Variants in PHF6 observed in about 807,000 individuals in gnomAD.
PHF6 encodes PHD-like zinc finger protein.
Under a neutral mutation model 34.0 loss-of-function variants are expected in PHF6, and 7 were observed. The ratio of observed to expected loss-of-function variants is 0.21; its 90% CI spans 0.12 to 0.39. PHF6 has a LOEUF of 0.39. PHF6 is among the 10% of genes least tolerant of loss of function. The pLI is 1.00. For missense variants in PHF6, 128 were observed against 262.8 expected, an observed-to-expected ratio of 0.49 and a Z score of 3.55; for synonymous variants, 89 against 88.4, an observed-to-expected ratio of 1.01 and a Z score of -0.04.
intron 3 of PHF6, among the ~76,000 whole-genome samples, chrX:134,388,694 C>T (rs6529626): frequency 0.32 from 35,574 of 110,668 alleles, 4,549 homozygotes; most frequent in East Asian, 0.65. Context: ...AGAGCCTTGT[C>T]GTAGAAGTTG....
chrX:134,400,383 C>G (rs1253309195), intron 5 of PHF6, among the ~76,000 whole-genome samples: 5 of 102,493 alleles, frequency 4.9e-5, no homozygotes, highest in Non-Finnish European at 9.8e-5. Flanking sequence ...ACCCTCCCAG[C>G]CTTTGCCTTT....
At chrX:134,413,697 C>T in intron 6 of PHF6, 40 bp downstream of exon 6, 3 of 1,196,939 alleles carry the variant, frequency 2.5e-6, no homozygotes, top group Non-Finnish European at 1.1e-6. Flanking sequence ...TTTTGTTGCA[C>T]CATGAATATT....
intron 3 of PHF6, among the ~76,000 whole-genome samples, chrX:134,382,987 A>G (rs1054577333): frequency 9.0e-6 from 1 of 110,867 alleles, no homozygotes; most frequent in African/African-American, 3.3e-5. Context: ...TGACACGTGT[A>G]ATCCTAGTGC....
intron 5 of PHF6, among the ~76,000 whole-genome samples, chrX:134,403,200 A>C (rs2077409661): frequency 1.8e-5 from 2 of 112,388 alleles, no homozygotes; most frequent in African/African-American, 3.2e-5. Context: ...CTTGTACCAA[A>C]CAGCCAAGTT....
At chrX:134,410,230 T>C (rs1370800297) in intron 5 of PHF6, among the ~76,000 whole-genome samples, 1 of 111,963 alleles carries the variant, frequency 8.9e-6, no homozygotes, top group Non-Finnish European at 1.9e-5. Flanking sequence ...CTTTCCACAG[T>C]GGCTGAGCTA....
intron 5 of PHF6, among the ~76,000 whole-genome samples, chrX:134,397,054 T>C: frequency 8.9e-6 from 1 of 111,876 alleles, no homozygotes. Flanking sequence ...GTTAGCTTTA[T>C]ATAAAATGAG....
Position 134,427,634 on chromosome X carries a change from T to C in PHF6, c.*1974T>C. ...GACTTTGTATGGGTTTCTTCAGCCC[T>C]TTTTCTGCCACTAGCAACCAGAATA... On this transcript the variant is annotated 3_prime_UTR_variant, in exon 11 of 11. Transcript: ENST00000370803. 2.5e-5 allele frequency: 4 copies of C among 160,865 alleles called. No homozygotes were observed. The highest frequency in any genetic ancestry group is 9.3e-5 in the East Asian group (1 of 10,753). The allele number at this position is 160,865 out of a possible 1,213,427, so 13.3% of individuals were successfully genotyped here.
intron 7 of PHF6, among the ~76,000 whole-genome samples, chrX:134,414,645 A>G (rs2077465164): frequency 1.1e-5 from 1 of 91,183 alleles, no homozygotes; most frequent in Non-Finnish European, 2.5e-5. Context: ...GTCTAGTTTG[A>G]AAAAAAAAAA....
intron 9 of PHF6, among the ~76,000 whole-genome samples, chrX:134,421,752 AAAC>A (rs1231664943): frequency 9.1e-6 from 1 of 109,942 alleles, no homozygotes; most frequent in Non-Finnish European, 1.9e-5. Flanking sequence ...GTATTTATAA[AAAC>A]AAGATTTTCT....
chrX:134,407,075 A>G (rs2077428338), intron 5 of PHF6, among the ~76,000 whole-genome samples: 1 of 112,117 alleles, frequency 8.9e-6, no homozygotes, highest in Non-Finnish European at 1.9e-5. Flanking sequence ...TCACTGACAT[A>G]TATATTTGTC....
At chrX:134,423,807 G>A (rs1303500299) in intron 9 of PHF6, among the ~76,000 whole-genome samples, 1 of 110,655 alleles carries the variant, frequency 9.0e-6, no homozygotes, top group Non-Finnish European at 1.9e-5. Flanking sequence ...GACCACAAGA[G>A]GGCATCCAGT....
intron 9 of PHF6, chrX:134,418,695 A>G (rs1190989571): frequency 8.9e-6 from 1 of 111,974 alleles, no homozygotes; most frequent in African/African-American, 3.2e-5. Context: ...AGGAACAAAT[A>G]ATCCCAATGT....
intron 3 of PHF6, among the ~76,000 whole-genome samples, chrX:134,392,458 T>C (rs2077359091): frequency 8.9e-6 from 1 of 112,152 alleles, no homozygotes; most frequent in Non-Finnish European, 1.9e-5. Flanking sequence ...AAAGATAACT[T>C]TTTTCCTAAA....
intron 5 of PHF6, among the ~76,000 whole-genome samples, chrX:134,395,129 A>G (rs1324080638): frequency 8.9e-6 from 1 of 111,895 alleles, no homozygotes; most frequent in African/African-American, 3.3e-5. Flanking sequence ...CTGGGATTAC[A>G]GGCGTGAGCC....
intron 3 of PHF6, among the ~76,000 whole-genome samples, chrX:134,390,171 G>A (rs758292818): frequency 1.2e-4 from 13 of 111,845 alleles, no homozygotes; most frequent in African/African-American, 3.9e-4. Flanking sequence ...TCATAGGTAA[G>A]CAAGCAAATG....
chrX:134,415,203 C>A (rs1276662533), intron 8 of PHF6, 83 bp downstream of exon 8: 1 of 1,203,925 alleles, frequency 8.3e-7, no homozygotes, highest in Non-Finnish European at 1.1e-6. Context: ...TTTATCCAGT[C>A]ATCAGAAAAT....
intron 9 of PHF6, among the ~76,000 whole-genome samples, chrX:134,421,935 GT>G (rs2077493255): frequency 9.2e-6 from 1 of 109,002 alleles, no homozygotes; most frequent in East Asian, 2.8e-4. Context: ...TTGTTTGTTT[GT>G]TTGTTTGTTT....
At chrX:134,405,870 T>A (rs1357635275) in intron 5 of PHF6, among the ~76,000 whole-genome samples, 1 of 108,089 alleles carries the variant, frequency 9.3e-6, no homozygotes, top group Non-Finnish European at 1.9e-5. Flanking sequence ...TATATATATA[T>A]AAATCATACC....
At chrX:134,386,686 G>A (rs1219967150) in intron 3 of PHF6, among the ~76,000 whole-genome samples, 4 of 111,580 alleles carry the variant, frequency 3.6e-5, no homozygotes, top group African/African-American at 1.3e-4. Context: ...AAAGTGCTGG[G>A]ATTACAGGCG....
Sources: gnomAD v4.1 joint callset for allele counts (sites outside exome capture counted in the v4.1 genomes callset) on GRCh38, gnomAD v4.1.1 for gene constraint, MANE v1.5 for transcripts, NCBI Gene and HGNC (gene_info 2026-07-23, HGNC 2026-07-21) for gene names.